Variants in PTER observed in about 807,000 individuals in gnomAD.
PTER encodes the protein phosphotriesterase related.
In PTER, 38 loss-of-function variants were observed where a neutral mutation model predicts 29.6. The observed-to-expected ratio is 1.28, with a 90% CI of 0.99 to 1.68. The LOEUF is 1.68. Ranked by LOEUF, PTER falls within the 40% of genes most tolerant of loss-of-function variation. PTER has a pLI of 0.00. For missense variants in PTER, 482 were observed against 427.8 expected, an observed-to-expected ratio of 1.13 and a Z score of -1.12; for synonymous variants, 172 against 154.5, an observed-to-expected ratio of 1.11 and a Z score of -0.84.
intron 1 of PTER, among the ~76,000 whole-genome samples, chr10:16,449,147 T>C (rs1457477218): frequency 6.6e-6 from 1 of 152,190 alleles, no homozygotes; most frequent in East Asian, 1.9e-4. Context: ...GGATGCAATA[T>C]TGTTTTTGAT....
chr10:16,455,641 C>T (rs7896196), intron 1 of PTER, among the ~76,000 whole-genome samples: 4,602 of 152,126 alleles, frequency 0.03, 93 homozygotes, highest in African/African-American at 0.057. Flanking sequence ...CAGTGAGCCA[C>T]GATCATGCCA....
downstream of PTER, among the ~76,000 whole-genome samples, chr10:16,515,383 ATTAC>A (rs1836935113): frequency 6.6e-6 from 1 of 152,008 alleles, no homozygotes; most frequent in Non-Finnish European, 1.5e-5. Flanking sequence ...GTGTCTTTTT[ATTAC>A]TTAACTATGA....
chr10:16,510,574 C>T (rs750139153), intron 4 of PTER, among the ~76,000 whole-genome samples: 4 of 152,138 alleles, frequency 2.6e-5, no homozygotes, highest in African/African-American at 4.8e-5. Context: ...AGTGAGATTC[C>T]TTTTGTTTCC....
At chr10:16,447,376 C>T (rs539921695) in intron 1 of PTER, among the ~76,000 whole-genome samples, 5 of 152,110 alleles carry the variant, frequency 3.3e-5, no homozygotes, top group Non-Finnish European at 7.4e-5. Context: ...GCTAAGATTA[C>T]AGGTGTGAAC....
intron 1 of PTER, among the ~76,000 whole-genome samples, chr10:16,472,291 G>A (rs1235943338): frequency 2.0e-5 from 3 of 152,132 alleles, no homozygotes; most frequent in African/African-American, 7.2e-5. Flanking sequence ...TGATAAAACT[G>A]GAATCATGTA....
At chr10:16,496,722 G>A (rs950073008) in intron 3 of PTER, among the ~76,000 whole-genome samples, 3 of 152,144 alleles carry the variant, frequency 2.0e-5, no homozygotes, top group Non-Finnish European at 4.4e-5. Flanking sequence ...ATTCTTCCAA[G>A]ATGGGACTGG....
At chr10:16,465,323 C>G (rs1834769582) in intron 1 of PTER, among the ~76,000 whole-genome samples, 1 of 152,158 alleles carries the variant, frequency 6.6e-6, no homozygotes, top group Non-Finnish European at 1.5e-5. Context: ...ATCTTCGTTT[C>G]CCTGCATATC....
chr10:16,477,384 C>A (rs189445549), intron 1 of PTER, among the ~76,000 whole-genome samples: 111 of 151,978 alleles, frequency 7.3e-4, no homozygotes, highest in Non-Finnish European at 1.3e-3. Flanking sequence ...ACCATGTTGG[C>A]CAGGCTAGTA....
rs749660657 is a variant in PTER at position 16,444,121 on chromosome 10, C to T, written c.-49+7074C>T. 3.3e-5 allele frequency among the ~76,000 whole-genome samples: 5 copies of T among 151,768 alleles called. No homozygotes were observed. In the South Asian group the frequency reaches 1.0e-3, roughly 32 times the overall value. ...AATTCAAGCGATTCTCCTGCCTCAG[C>T]CTCCCGAGTAGCTGGAACTATAGGC... On this transcript the variant is annotated intron_variant, in intron 1 of 4. Transcript: ENST00000535784.
chr10:16,455,195 C>T (rs556358122), intron 1 of PTER, among the ~76,000 whole-genome samples: 2 of 152,026 alleles, frequency 1.3e-5, no homozygotes, highest in East Asian at 3.9e-4. Flanking sequence ...TGCCACTTTA[C>T]TCCAGTCTGG....
chr10:16,500,163 C>G (rs1264547499), intron 3 of PTER, among the ~76,000 whole-genome samples: 2 of 152,118 alleles, frequency 1.3e-5, no homozygotes, highest in African/African-American at 2.4e-5. Flanking sequence ...AACAGAGGAA[C>G]CAGCTTCCCC....
intron 3 of PTER, among the ~76,000 whole-genome samples, chr10:16,500,415 A>G (rs1218700981): frequency 6.6e-6 from 1 of 151,564 alleles, no homozygotes; most frequent in East Asian, 2.0e-4. Context: ...ACACCCTGCT[A>G]ATTTTTAAAG....
chr10:16,471,492 C>G (rs1003935529), intron 1 of PTER, among the ~76,000 whole-genome samples: 6 of 152,272 alleles, frequency 3.9e-5, no homozygotes, highest in Admixed American at 2.6e-4. Flanking sequence ...CTTCACTCCT[C>G]CTGCTCAAAG....
intron 1 of PTER, among the ~76,000 whole-genome samples, chr10:16,448,776 A>G (rs897997249): frequency 1.8e-4 from 27 of 152,234 alleles, no homozygotes; most frequent in Non-Finnish European, 3.7e-4. Flanking sequence ...AGCCAGAGAG[A>G]TGATATACCC....
intron 1 of PTER, among the ~76,000 whole-genome samples, chr10:16,443,076 T>C (rs919432271): frequency 2.6e-5 from 4 of 152,192 alleles, no homozygotes; most frequent in African/African-American, 9.7e-5. Flanking sequence ...ACTATGTTTG[T>C]CTTCCTAGGG....
chr10:16,444,714 G>T (rs1833959771), intron 1 of PTER, among the ~76,000 whole-genome samples: 1 of 152,112 alleles, frequency 6.6e-6, no homozygotes, highest in African/African-American at 2.4e-5. Context: ...TATATTCAAA[G>T]AAATATTGGG....
chr10:16,506,568 C>T (rs1203202227), intron 4 of PTER, among the ~76,000 whole-genome samples: 2 of 152,054 alleles, frequency 1.3e-5, no homozygotes, highest in East Asian at 1.9e-4. Context: ...GAGCAAGGTT[C>T]CTAAGGCAAC....
chr10:16,478,603 G>T (rs1835366146), intron 1 of PTER, among the ~76,000 whole-genome samples: 1 of 151,694 alleles, frequency 6.6e-6, no homozygotes, highest in African/African-American at 2.4e-5. Context: ...CAAAGTGCTG[G>T]GATTACAGGC....
In PTER at chr10:16,456,910, C is replaced by A. The variant is rs543223662; in HGVS notation, c.-49+19863C>A. 1.4e-3 allele frequency among the ~76,000 whole-genome samples: 218 copies of A among 151,112 alleles called. 2 individuals are homozygous for A. The highest frequency in any genetic ancestry group is 5.1e-3 in the African/African-American group (210 of 40,872). ...TTCTCGTGGTAGTGAATAAGTCTCACAAGATCTGATGATTTTATAAGGGGT... is the reference window on the plus strand; with the variant it reads ...TTCTCGTGGTAGTGAATAAGTCTCAAAAGATCTGATGATTTTATAAGGGGT... On this transcript the variant is annotated intron_variant, in intron 1 of 4. Coordinates refer to ENST00000535784, the MANE Select transcript of PTER (RefSeq NM_001261836.2).
Sources: allele counts gnomAD v4.1 joint callset (sites outside exome capture counted in the v4.1 genomes callset), GRCh38; gene constraint gnomAD v4.1.1; transcripts MANE v1.5; gene names NCBI Gene and HGNC (gene_info 2026-07-23, HGNC 2026-07-21).